SLC4A4: variants seen among roughly 807,000 people sequenced by gnomAD.
SLC4A4 encodes solute carrier family 4 member 4, also known as electrogenic sodium bicarbonate cotransporter 1.
In SLC4A4, 27 loss-of-function variants were observed where a neutral mutation model predicts 111.5. The observed-to-expected ratio is 0.24, with a 90% confidence interval of 0.18 to 0.33. SLC4A4 has a LOEUF of 0.33. SLC4A4 is among the 10% of genes least tolerant of loss of function. SLC4A4 has a pLI of 1.00. For missense variants in SLC4A4, 909 were observed against 1,315.5 expected (o/e 0.69, Z 4.78); for synonymous variants, 443 against 463.4 (o/e 0.96, Z 0.57).
At chr4:71,376,413 C>G (rs940068973) in intron 6 of SLC4A4, among the ~76,000 whole-genome samples, 1 of 150,494 alleles carries the variant, frequency 6.6e-6, no homozygotes, top group Non-Finnish European at 1.5e-5. Context: ...CTGTGTTAGC[C>G]AGGATGGTCT....
upstream of SLC4A4, among the ~76,000 whole-genome samples, chr4:71,186,568 C>T (rs1354144875): frequency 6.6e-6 from 1 of 151,838 alleles, no homozygotes; most frequent in East Asian, 1.9e-4. Flanking sequence ...TCCGGGCGGG[C>T]GCTGCGCACA....
chr4:71,079,595 G>A (rs1741937276), intron 1 of SLC4A4, among the ~76,000 whole-genome samples: 2 of 152,004 alleles, frequency 1.3e-5, no homozygotes, highest in East Asian at 1.9e-4. Flanking sequence ...GGGCAACATA[G>A]CAAGACCCTA....
At chr4:71,517,975 T>C (rs771084103) in intron 16 of SLC4A4, among the ~76,000 whole-genome samples, 40 of 152,050 alleles carry the variant, frequency 2.6e-4, no homozygotes, top group Non-Finnish European at 4.6e-4. Context: ...GGCCTAGAAC[T>C]TGAGTCTGTA....
intron 3 of SLC4A4, among the ~76,000 whole-genome samples, chr4:71,313,501 G>A (rs1384517220): frequency 2.6e-5 from 4 of 152,148 alleles, no homozygotes; most frequent in Admixed American, 2.0e-4. Flanking sequence ...AAAGCTGGAG[G>A]CATCATGCTA....
At chr4:71,565,502 G>C (rs1368286705) in intron 24 of SLC4A4, among the ~76,000 whole-genome samples, 1 of 151,760 alleles carries the variant, frequency 6.6e-6, no homozygotes, top group Non-Finnish European at 1.5e-5. Context: ...TGGAACCTTT[G>C]TTGTGTGATC....
chr4:71,511,229 T>C (rs2149174829), intron 16 of SLC4A4, among the ~76,000 whole-genome samples: 1 of 152,274 alleles, frequency 6.6e-6, no homozygotes, highest in South Asian at 2.1e-4. Flanking sequence ...TCAAATGTTT[T>C]TCAGTTACTA....
intron 2 of SLC4A4, among the ~76,000 whole-genome samples, chr4:71,109,732 G>C (rs1743037401): frequency 6.6e-6 from 1 of 151,904 alleles, no homozygotes; most frequent in Non-Finnish European, 1.5e-5. Context: ...TAATAGAGAT[G>C]GGTTTTCACT....
chr4:71,094,584 G>A (rs1366614718), intron 2 of SLC4A4, among the ~76,000 whole-genome samples: 4 of 152,228 alleles, frequency 2.6e-5, no homozygotes, highest in African/African-American at 9.6e-5. Context: ...GCTGGTAGAT[G>A]TAAGGATATG....
chr4:71,369,158 A>G (rs982545326), intron 6 of SLC4A4, among the ~76,000 whole-genome samples: 1 of 152,132 alleles, frequency 6.6e-6, no homozygotes, highest in Admixed American at 6.5e-5. Flanking sequence ...TGGCTGGGGA[A>G]AGGGCAAGGA....
intron 8 of SLC4A4, among the ~76,000 whole-genome samples, chr4:71,444,576 T>C (rs1725055708): frequency 6.6e-6 from 1 of 152,198 alleles, no homozygotes. Context: ...ATAACATCTG[T>C]CCATTGACAA....
intron 3 of SLC4A4, among the ~76,000 whole-genome samples, chr4:71,293,495 G>A (rs866148388): frequency 4.0e-5 from 6 of 151,724 alleles, no homozygotes; most frequent in African/African-American, 1.2e-4. Context: ...CCCGGGAGGC[G>A]GAGGTTGCAA....
intron 7 of SLC4A4, chr4:71,437,456 T>C: frequency 2.9e-6 from 1 of 345,716 alleles, no homozygotes; most frequent in South Asian, 2.5e-5. Context: ...CACTGGACTA[T>C]ATCAAGGTGT....
chr4:71,447,260 C>G (rs1033719539), intron 8 of SLC4A4, among the ~76,000 whole-genome samples: 1 of 152,180 alleles, frequency 6.6e-6, no homozygotes, highest in Non-Finnish European at 1.5e-5. Flanking sequence ...TGAAGATGCA[C>G]TAACTCTTTC....
At chr4:71,262,956 G>C (rs1289625478) in intron 3 of SLC4A4, among the ~76,000 whole-genome samples, 1 of 151,246 alleles carries the variant, frequency 6.6e-6, no homozygotes, top group Non-Finnish European at 1.5e-5. Context: ...TTGGTGTGCT[G>C]CACCCATTAA....
intron 2 of SLC4A4, among the ~76,000 whole-genome samples, chr4:71,116,290 C>A (rs1201797229): frequency 6.6e-6 from 1 of 152,160 alleles, no homozygotes; most frequent in Non-Finnish European, 1.5e-5. Context: ...TACTTCGTAG[C>A]TTATGTAGTT....
At chr4:71,257,926 T>C (rs914573495) in intron 3 of SLC4A4, among the ~76,000 whole-genome samples, 1 of 152,250 alleles carries the variant, frequency 6.6e-6, no homozygotes, top group African/African-American at 2.4e-5. Context: ...TGAATTTTTC[T>C]GTTCTTTTCA....
intron 2 of SLC4A4, among the ~76,000 whole-genome samples, chr4:71,254,805 T>C (rs1446974030): frequency 2.0e-5 from 3 of 152,132 alleles, no homozygotes; most frequent in Admixed American, 2.0e-4. Flanking sequence ...AGGCTGAAAC[T>C]GGAGGGCCCT....
intron 1 of SLC4A4, among the ~76,000 whole-genome samples, chr4:71,219,281 A>G (rs1017292854): frequency 2.0e-5 from 3 of 152,224 alleles, no homozygotes; most frequent in African/African-American, 7.2e-5. Flanking sequence ...GAATACACCA[A>G]TGACAAGAAA....
At chr4:71,501,985 G>A (rs897492160) in intron 16 of SLC4A4, among the ~76,000 whole-genome samples, 1 of 143,950 alleles carries the variant, frequency 6.9e-6, no homozygotes, top group South Asian at 2.2e-4. Context: ...TTTTTGAGAT[G>A]GAGTCTTGCT....
Sources: gnomAD v4.1 joint callset for allele counts (sites outside exome capture counted in the v4.1 genomes callset) on GRCh38, gnomAD v4.1.1 for gene constraint, MANE v1.5 for transcripts, NCBI Gene and HGNC (gene_info 2026-07-23, HGNC 2026-07-21) for gene names.